The following CACNB4 variants were observed in gnomAD, a reference collection of about 807,000 sequenced individuals.
CACNB4 encodes the protein calcium voltage-gated channel auxiliary subunit beta 4, also known as voltage-dependent L-type calcium channel subunit beta-4.
Under a neutral mutation model 71.2 loss-of-function variants are expected in CACNB4, and 32 were observed. The observed-to-expected ratio is 0.45, with a 90% confidence interval of 0.34 to 0.60. CACNB4 has a LOEUF of 0.60. Among genes scored for constraint, CACNB4 ranks in the 20% least tolerant of loss-of-function variants. CACNB4 has a pLI of 0.01. For synonymous variants in CACNB4, 231 were observed against 236.9 expected (o/e 0.97, Z 0.23); for missense variants, 464 against 647.9 (o/e 0.72, Z 3.08).
intron 2 of CACNB4, among the ~76,000 whole-genome samples, chr2:152,021,952 T>C (rs990414373): frequency 4.6e-5 from 7 of 152,244 alleles, no homozygotes; most frequent in African/African-American, 1.4e-4. Flanking sequence ...GTCAAGGCTA[T>C]ATACATTCAA....
At position 152,001,423 on chromosome 2, in the gene CACNB4, G is replaced by A. The variant is rs373982930; in HGVS notation, c.147+96907C>T. ...GAACGAGTCGGCCAGGCACGGTGGCGCATGCCTGTAATCCCAGCACTTTAG... is the reference window on the plus strand; with the variant it reads ...GAACGAGTCGGCCAGGCACGGTGGCACATGCCTGTAATCCCAGCACTTTAG... On this transcript the variant is annotated intron_variant, in intron 2 of 13. Coordinates refer to ENST00000539935, the MANE Select transcript of CACNB4 (RefSeq NM_000726.5). 2.0e-5 allele frequency among the ~76,000 whole-genome samples: 3 copies of A among 149,580 alleles called. No homozygotes were observed. The East Asian group carries it at 5.9e-4, about 29-fold the overall frequency.
At position 151,998,315 on chromosome 2, in the gene CACNB4, C is replaced by CAAAAAAA. The variant is rs70974815; in HGVS notation, c.147+100008_147+100014dup. Among the ~76,000 whole-genome samples the CAAAAAAA allele has an allele frequency of 4.9e-3, 545 of 110,636 alleles. 20 individuals carry two copies. The highest frequency in any genetic ancestry group is 0.021 in the African/African-American group (515 of 24,934). The allele number at this position is 110,636 out of a possible 152,430, so 72.6% of individuals were successfully genotyped here. A position where few individuals can be genotyped will look rare whatever the true frequency, so the allele number is the denominator to read the frequency against. On this transcript the variant is annotated intron_variant, in intron 2 of 13. Coordinates refer to ENST00000539935, the MANE Select transcript of CACNB4 (RefSeq NM_000726.5). Reference sequence around the variant, plus strand: ...AATCCAGCCTGGGCAACTCCATCTCCAAAAAAAAAAAAAAAAAAAAAAAAA... The same window carrying CAAAAAAA: ...AATCCAGCCTGGGCAACTCCATCTCCAAAAAAAAAAAAAAAAAAAAAAAAAAAAAAAA...
chr2:151,882,141 A>C (rs1303236894), intron 3 of CACNB4, among the ~76,000 whole-genome samples: 4 of 144,026 alleles, frequency 2.8e-5, no homozygotes, highest in Non-Finnish European at 6.1e-5. Context: ...GGCCTCCCAA[A>C]GTGCTGGGAT....
intron 2 of CACNB4, among the ~76,000 whole-genome samples, chr2:151,889,347 T>A (rs944051704): frequency 6.6e-6 from 1 of 151,760 alleles, no homozygotes; most frequent in African/African-American, 2.4e-5. Flanking sequence ...ATGCCTGTAA[T>A]CTCAGCTACT....
intron 2 of CACNB4, among the ~76,000 whole-genome samples, chr2:152,047,377 C>T (rs2105274666): frequency 1.3e-5 from 2 of 152,248 alleles, no homozygotes; most frequent in Admixed American, 1.3e-4. Context: ...ACAGGCCAAA[C>T]CCTGACATTC....
rs143625402 is a variant in CACNB4, at chr2:151,915,847, C to CA, written c.148-32478dup. Among the ~76,000 whole-genome samples the CA allele has an allele frequency of 1.2e-3, 95 of 81,970 alleles. 1 individual carries two copies. Among genetic ancestry groups the CA allele is most frequent in the East Asian group, 5.6e-3 (16 of 2,876 alleles). The allele number at this position is 81,970 out of a possible 152,430, so 53.8% of individuals were successfully genotyped here. A position where few individuals can be genotyped will look rare whatever the true frequency, so the allele number is the denominator to read the frequency against. On this transcript the variant is annotated intron_variant, in intron 2 of 13. Coordinates refer to ENST00000539935, the MANE Select transcript of CACNB4 (RefSeq NM_000726.5). The stretch of plus-strand genomic sequence containing the variant: ...GGGCAACAAGAGCGAAGCTCCATCT[C>CA]AAAAAAAAAAAAAAAAAAAAAAGAA...
chr2:151,954,850 CTTTTTTT>C (rs34054917), intron 2 of CACNB4, among the ~76,000 whole-genome samples: 5 of 94,924 alleles, frequency 5.3e-5, no homozygotes, highest in African/African-American at 2.1e-4. Context: ...CAAGTCAGCA[CTTTTTTT>C]TTTTTTTTTT....
intron 2 of CACNB4, among the ~76,000 whole-genome samples, chr2:151,952,441 T>C (rs1173921723): frequency 6.6e-6 from 1 of 152,174 alleles, no homozygotes; most frequent in African/African-American, 2.4e-5. Flanking sequence ...TCCCTCTTAC[T>C]GGGGGTCTCC....
intron 2 of CACNB4, among the ~76,000 whole-genome samples, chr2:151,929,359 T>C (rs1432058127): frequency 2.0e-5 from 3 of 152,238 alleles, no homozygotes; most frequent in Admixed American, 6.5e-5. Context: ...GTAAGACTCA[T>C]AACCCTTACT....
intron 2 of CACNB4, among the ~76,000 whole-genome samples, chr2:152,004,718 C>T (rs982576298): frequency 2.6e-5 from 4 of 152,168 alleles, no homozygotes; most frequent in African/African-American, 9.7e-5. Flanking sequence ...GAATAGGGCT[C>T]CCGCAGCACC....
chr2:151,897,271 C>T (rs1215935650), intron 2 of CACNB4, among the ~76,000 whole-genome samples: 6 of 152,150 alleles, frequency 3.9e-5, no homozygotes, highest in Non-Finnish European at 2.9e-5. Flanking sequence ...TCTAAGATTC[C>T]TCTGAGGTCT....
intron 2 of CACNB4, among the ~76,000 whole-genome samples, chr2:152,032,070 G>A (rs1227566251): frequency 1.3e-5 from 2 of 152,136 alleles, no homozygotes; most frequent in Non-Finnish European, 2.9e-5. Context: ...TCTATAGTGT[G>A]GGGAAAGGAT....
intron 2 of CACNB4, among the ~76,000 whole-genome samples, chr2:152,055,136 C>T (rs1268084114): frequency 3.9e-5 from 6 of 152,210 alleles, no homozygotes; most frequent in African/African-American, 1.2e-4. Context: ...CTCAGCCTCC[C>T]GAGTAGCTGG....
chr2:151,939,905 G>GA (rs1001115175), intron 2 of CACNB4, among the ~76,000 whole-genome samples: 21 of 151,256 alleles, frequency 1.4e-4, no homozygotes, highest in Admixed American at 5.9e-4. Context: ...ATTTCTTAAA[G>GA]AAAAAAAAAC....
At chr2:151,910,943 T>G (rs1052071743) in intron 2 of CACNB4, among the ~76,000 whole-genome samples, 6 of 152,194 alleles carry the variant, frequency 3.9e-5, no homozygotes, top group Non-Finnish European at 1.5e-5. Flanking sequence ...ATGGAATGTT[T>G]TTCCATTTGT....
intron 12 of CACNB4, among the ~76,000 whole-genome samples, chr2:151,844,288 G>A (rs910277275): frequency 3.3e-5 from 5 of 152,126 alleles, no homozygotes; most frequent in Admixed American, 6.5e-5. Context: ...GCCAGTTAAC[G>A]TTTGAAGCTG....
intron 2 of CACNB4, among the ~76,000 whole-genome samples, chr2:151,912,966 T>C (rs1230484978): frequency 6.6e-6 from 1 of 152,248 alleles, no homozygotes; most frequent in African/African-American, 2.4e-5. Context: ...TTAAAGTCTG[T>C]TTTGTCAGAG....
Position 152,099,012 on chromosome 2 carries a change from C to A in CACNB4, c.-1G>T, listed in dbSNP as rs1688446215. 6.6e-7 allele frequency: 1 copy of A among 1,524,716 alleles called. No individual in the cohort carries two copies. Among genetic ancestry groups the A allele is most frequent in the Non-Finnish European group, 8.8e-7 (1 of 1,139,098 alleles). The allele number at this position is 1,524,716 out of a possible 1,614,324, so 94.4% of individuals were successfully genotyped here. A position where few individuals can be genotyped will look rare whatever the true frequency, so the allele number is the denominator to read the frequency against. On this transcript the variant is annotated 5_prime_UTR_variant, in exon 1 of 14. Transcript: ENST00000539935. ...TCTTGGCGTAGGAGGAGGAGGACAT[C>A]GTTCAGAGCCGCCGCATGGCCAGCC...
chr2:152,018,058 CCT>C (rs1683447060), intron 2 of CACNB4, among the ~76,000 whole-genome samples: 1 of 152,066 alleles, frequency 6.6e-6, no homozygotes, highest in Admixed American at 6.5e-5. Flanking sequence ...GTCTTGAACT[CCT>C]GACCTCAGGT....
Sources: gnomAD v4.1 joint callset for allele counts (sites outside exome capture counted in the v4.1 genomes callset) on GRCh38, gnomAD v4.1.1 for gene constraint, MANE v1.5 for transcripts, NCBI Gene and HGNC (gene_info 2026-07-23, HGNC 2026-07-21) for gene names.